PPP2R5A: variants seen among roughly 807,000 people sequenced by gnomAD.
PPP2R5A encodes the protein protein phosphatase 2 regulatory subunit B'alpha.
A neutral mutation model predicts 64.2 loss-of-function variants in PPP2R5A; 25 were observed. The observed-to-expected ratio is 0.39, with a 90% CI of 0.28 to 0.54. The LOEUF is 0.54. Ranked by LOEUF, PPP2R5A falls within the 20% of genes least tolerant of loss-of-function variation. PPP2R5A has a pLI of 0.67. For missense variants in PPP2R5A, 425 were observed against 576.3 expected, an observed-to-expected ratio of 0.74 and a Z score of 2.69; for synonymous variants, 198 against 201.2, an observed-to-expected ratio of 0.98 and a Z score of 0.13.
chr1:212,329,223 C>T lies in PPP2R5A; in HGVS notation c.270C>T (p.Asp90=), dbSNP rs1397827599. Residue 90 remains aspartate (D), a synonymous_variant, in exon 2 of 13, where the codon GAC becomes GAT. Transcript: ENST00000261461. ...ILFDFMDSVS[D]LKSKEIKRAT... ...TTGATTTCATGGACTCTGTTTCAGA[C>T]TTGAAGAGCAAAGAAATTAAAAGAG... is the stretch of plus-strand genomic sequence containing the variant. 1 of 1,613,324 alleles carries T rather than the reference C, an allele frequency of 6.2e-7. No homozygotes were observed. Among genetic ancestry groups the T allele is most frequent in the African/African-American group, 1.3e-5 (1 of 74,854 alleles).
chr1:212,325,991 G>A (rs1206557471), intron 1 of PPP2R5A, among the ~76,000 whole-genome samples: 1 of 151,998 alleles, frequency 6.6e-6, no homozygotes. Flanking sequence ...AGGGTAAAAA[G>A]CCCCAGAAGA....
At position 212,338,752 on chromosome 1, in the gene PPP2R5A, A is replaced by T. The variant is rs190157523; in HGVS notation, c.481-3436A>T. On this transcript the variant is annotated intron_variant, in intron 3 of 12. Coordinates refer to ENST00000261461, the MANE Select transcript of PPP2R5A (RefSeq NM_006243.4). ...CAGTGAGCCGACATTGCGCCATTGC[A>T]CTCCAGCCTGGGCGACAAAGCAAGA... is the stretch of plus-strand genomic sequence containing the variant. 7.0e-4 allele frequency among the ~76,000 whole-genome samples: 106 copies of T among 151,418 alleles called. 1 individual carries two copies. The East Asian group carries it at 0.019, about 27-fold the overall frequency.
chr1:212,351,912 C>T (rs903600517), intron 8 of PPP2R5A, among the ~76,000 whole-genome samples: 1 of 151,628 alleles, frequency 6.6e-6, no homozygotes, highest in Admixed American at 6.6e-5. Flanking sequence ...AACAAAACAC[C>T]GTTCTTATTC....
rs148996422 is a variant in PPP2R5A at position 212,354,273 on chromosome 1, C to T, written c.928-2353C>T. Among the ~76,000 whole-genome samples the T allele has an allele frequency of 6.9e-3, 1,057 of 152,250 alleles. 7 individuals carry two copies. Among genetic ancestry groups the T allele is most frequent in the African/African-American group, 0.022 (931 of 41,552 alleles). ...TGGCTCAGGACTGTAATCCCAGCTA[C>T]TTGGGAGGCTGGGGTAGGGGGATCT... On this transcript the variant is annotated intron_variant, in intron 8 of 12. Transcript: ENST00000261461.
intron 2 of PPP2R5A, among the ~76,000 whole-genome samples, chr1:212,331,991 T>A (rs1659513507): frequency 6.6e-6 from 1 of 152,342 alleles, no homozygotes; most frequent in East Asian, 1.9e-4. Context: ...GTTAATTTTA[T>A]TAGTGGCTAC....
chr1:212,330,120 G>T (rs1286513421), intron 2 of PPP2R5A, among the ~76,000 whole-genome samples: 2 of 152,198 alleles, frequency 1.3e-5, no homozygotes, highest in Non-Finnish European at 2.9e-5. Context: ...AAGTAAGGTT[G>T]TTTAGGATGC....
At chr1:212,288,014 G>A (rs922810591) in intron 1 of PPP2R5A, among the ~76,000 whole-genome samples, 3 of 152,114 alleles carry the variant, frequency 2.0e-5, no homozygotes, top group African/African-American at 7.2e-5. Flanking sequence ...GATAGGTTTT[G>A]CTTTTATTTT....
chr1:212,321,659 C>T (rs1270580256), intron 1 of PPP2R5A, among the ~76,000 whole-genome samples: 2 of 140,346 alleles, frequency 1.4e-5, no homozygotes, highest in Non-Finnish European at 3.0e-5. Context: ...TCCTCACTTC[C>T]TAGATGGGAT....
At position 212,329,256 on chromosome 1, in the gene PPP2R5A, G is replaced by C. The variant is rs1260732554; in HGVS notation, c.303G>C (p.Leu101=). The C allele has an allele frequency of 5.6e-6, 9 of 1,612,724 alleles. No individual in the cohort carries two copies. The highest frequency in any genetic ancestry group is 1.3e-5 in the African/African-American group (1 of 74,856). Residue 101 remains leucine (L), a synonymous_variant, in exon 2 of 13, where the codon CTG becomes CTC. Transcript: ENST00000261461. Reference sequence around the variant, plus strand: ...GCAAAGAAATTAAAAGAGCAACACTGAATGAACTGGTTGAGTATGTTTCAA... The same window carrying C: ...GCAAAGAAATTAAAAGAGCAACACTCAATGAACTGGTTGAGTATGTTTCAA... ...LKSKEIKRAT[L]NELVEYVSTN... is the part of the protein sequence containing the mutation.
chr1:212,342,874 G>A (rs4554777), intron 4 of PPP2R5A, among the ~76,000 whole-genome samples: 22,917 of 151,746 alleles, frequency 0.15, 2,066 homozygotes, highest in South Asian at 0.3. Flanking sequence ...CTGCTTATTA[G>A]CTGTTATTTT....
At chr1:212,321,812 G>C (rs1207444689) in intron 1 of PPP2R5A, among the ~76,000 whole-genome samples, 2 of 151,528 alleles carry the variant, frequency 1.3e-5, no homozygotes, top group East Asian at 2.0e-4. Context: ...CTGCAATCTC[G>C]GCACTTTGCG....
rs546704923 is a variant in PPP2R5A at position 212,286,069 on chromosome 1, T to C, written c.-42T>C. On this transcript the variant is annotated 5_prime_UTR_variant, in exon 1 of 13. Coordinates refer to ENST00000261461, the MANE Select transcript of PPP2R5A (RefSeq NM_006243.4). ...GCCGTCTCCGCCGCTGCCCGTGCCTTGCAAGCAGCAGCCGGAGCTGCCAAG... is the reference window on the plus strand; with the variant it reads ...GCCGTCTCCGCCGCTGCCCGTGCCTCGCAAGCAGCAGCCGGAGCTGCCAAG... The C allele has an allele frequency of 2.6e-5, 39 of 1,497,132 alleles. No homozygotes were observed. The South Asian group carries it at 4.9e-4, about 19-fold the overall frequency. 92.7% of individuals were successfully genotyped at this position (1,497,132 alleles called of 1,614,324 possible). A position where few individuals can be genotyped will look rare whatever the true frequency, so the allele number is the denominator to read the frequency against.
At chr1:212,347,470 T>G in intron 6 of PPP2R5A, 64 bp downstream of exon 6, 2 of 1,217,598 alleles carry the variant, frequency 1.6e-6, no homozygotes, top group Admixed American at 4.0e-5. Context: ...TATTAAAATC[T>G]TAGCTGGGGT....
At chr1:212,320,441 G>C (rs536731577) in intron 1 of PPP2R5A, among the ~76,000 whole-genome samples, 2 of 152,062 alleles carry the variant, frequency 1.3e-5, no homozygotes, top group African/African-American at 4.8e-5. Context: ...ATCATGGCCC[G>C]TTCTCAATGA....
intron 1 of PPP2R5A, among the ~76,000 whole-genome samples, chr1:212,306,301 G>A (rs772251999): frequency 1.6e-4 from 24 of 151,894 alleles, no homozygotes; most frequent in Non-Finnish European, 3.1e-4. Flanking sequence ...GTAGTGTGGC[G>A]TGCCTGGGCA....
chr1:212,345,273 G>GTTA (rs1659756212), intron 4 of PPP2R5A, among the ~76,000 whole-genome samples: 1 of 151,540 alleles, frequency 6.6e-6, no homozygotes, highest in African/African-American at 2.4e-5. Context: ...ATAACTGAAT[G>GTTA]TTAATTTTTC....
At chr1:212,339,095 AATT>A (rs1434267718) in intron 3 of PPP2R5A, among the ~76,000 whole-genome samples, 42 of 152,232 alleles carry the variant, frequency 2.8e-4, no homozygotes, top group African/African-American at 9.9e-4. Context: ...GCATAATCTC[AATT>A]ATTCCATTTT....
chr1:212,308,962 C>G (rs552073813), intron 1 of PPP2R5A: 9 of 594,172 alleles, frequency 1.5e-5, no homozygotes, highest in Middle Eastern at 4.6e-4. Context: ...ATGATATTCT[C>G]TGTTTGATGT....
intron 8 of PPP2R5A, chr1:212,352,861 G>A (rs1309845390): frequency 5.8e-6 from 3 of 519,192 alleles, no homozygotes; most frequent in East Asian, 5.4e-5. Context: ...AGCTGCTGTG[G>A]TCAAAAAGAA....
Sources: allele counts gnomAD v4.1 joint callset (sites outside exome capture counted in the v4.1 genomes callset), GRCh38; gene constraint gnomAD v4.1.1; transcripts MANE v1.5; gene names NCBI Gene and HGNC (gene_info 2026-07-23, HGNC 2026-07-21).